Variants in PLEKHG6 observed in about 807,000 individuals in gnomAD.
PLEKHG6 encodes the protein pleckstrin homology and RhoGEF domain containing G6, also known as pleckstrin homology domain-containing family G member 6.
Under a neutral mutation model 97.5 loss-of-function variants are expected in PLEKHG6, and 91 were observed. The observed-to-expected ratio is 0.93, with a 90% CI of 0.79 to 1.11. The LOEUF (loss-of-function observed/expected upper bound fraction) is 1.11. Among genes scored for constraint, PLEKHG6 ranks in the 50% most tolerant of loss-of-function variants. The pLI is 0.00. For missense variants in PLEKHG6, 1,044 were observed against 1,031.0 expected, an observed-to-expected ratio of 1.01 and a Z score of -0.17; for synonymous variants, 466 against 425.5, an observed-to-expected ratio of 1.10 and a Z score of -1.17.
rs935538185 is a variant in PLEKHG6, at chr12:6,316,512, C to T, written c.756+108C>T. ...TGCAAATCTCTGTGATTTGAGGGGC[C>T]GCAGGACACAGCCCCTACCCCTAAT... On this transcript the variant is annotated intron_variant, in intron 7 of 15. Coordinates refer to ENST00000684764, the MANE Select transcript of PLEKHG6 (RefSeq NM_001384598.1). The surrounding 1 kb of genome is among the most constrained non-coding windows in gnomAD (Gnocchi z 4.1). The T allele has an allele frequency of 8.3e-6, 9 of 1,085,188 alleles. No individual in the cohort carries two copies. The highest frequency in any genetic ancestry group is 3.0e-4 in the Middle Eastern group (1 of 3,378). The allele number at this position is 1,085,188 out of a possible 1,614,324, so 67.2% of individuals were successfully genotyped here.
rs200110593 is a variant in PLEKHG6, at chr12:6,328,118, C to A, written c.2364-18C>A. Reference sequence around the variant, plus strand: ...GTTGCCACTGAATGTCGCCTAACACCCCCTCCTGTCTTTTCAGAGAGGTAT... The same window carrying A: ...GTTGCCACTGAATGTCGCCTAACACACCCTCCTGTCTTTTCAGAGAGGTAT... On this transcript the variant is annotated intron_variant, in intron 15 of 15. Transcript: ENST00000684764. 2 of 1,614,036 alleles carry A rather than the reference C, an allele frequency of 1.2e-6. No homozygotes were observed. Among genetic ancestry groups the A allele is most frequent in the Non-Finnish European group, 1.7e-6 (2 of 1,179,910 alleles).
chr12:6,317,491 A>C, intron 8 of PLEKHG6, 56 bp from the exon 9 acceptor site: 1 of 1,612,364 alleles, frequency 6.2e-7, no homozygotes, highest in Non-Finnish European at 8.5e-7. Flanking sequence ...GGCTGAGTTC[A>C]CCACTAGGCA....
At chr12:6,312,394 C>T in intron 2 of PLEKHG6, 30 bp downstream of exon 2, 1 of 1,557,884 alleles carries the variant, frequency 6.4e-7, no homozygotes, top group South Asian at 1.2e-5. Flanking sequence ...CAAAAGTGAC[C>T]TGGTGGGGCA....
Position 6,315,852 on chromosome 12 carries a change from C to T in PLEKHG6, c.556-17C>T, listed in dbSNP as rs536312275. 275 of 1,552,660 alleles carry T rather than the reference C, an allele frequency of 1.8e-4. 3 individuals carry two copies. The South Asian group carries it at 3.1e-3, about 17-fold the overall frequency. ...GGGCTGCGCTGGGTCCTGAGACCCTCGTCTCCCTCCCTGCAGCTGCTAGCC... is the reference window on the plus strand; with the variant it reads ...GGGCTGCGCTGGGTCCTGAGACCCTTGTCTCCCTCCCTGCAGCTGCTAGCC... On this transcript the variant is annotated splice_polypyrimidine_tract_variant and intron_variant, in intron 5 of 15. Transcript: ENST00000684764. The surrounding 1 kb of genome is among the most constrained non-coding windows in gnomAD (Gnocchi z 4.5).
Position 6,316,009 on chromosome 12 carries a change from T to TACAAA in PLEKHG6, c.606+90_606+91insACAAA. On this transcript the variant is annotated intron_variant, in intron 6 of 15. Coordinates refer to ENST00000684764, the MANE Select transcript of PLEKHG6 (RefSeq NM_001384598.1). This position sits in a 1 kb window ranked among gnomAD's most constrained non-coding sequence, Gnocchi z 4.1. ...GCCCTCCAGCCATCCCTGTCTGAAT[T>TACAAA]CCCACTGCCCCGTTTTTTGGGATGC... The TACAAA allele has an allele frequency of 8.0e-7, 1 of 1,250,186 alleles. No individual in the cohort carries two copies. Among genetic ancestry groups the TACAAA allele is most frequent in the Non-Finnish European group, 1.1e-6 (1 of 895,356 alleles). 77.4% of individuals were successfully genotyped at this position (1,250,186 alleles called of 1,614,324 possible).
intron 2 of PLEKHG6, chr12:6,312,949 C>A: frequency 7.0e-7 from 1 of 1,420,584 alleles, no homozygotes; most frequent in African/African-American, 1.4e-5. Context: ...GCTGGGACAT[C>A]CCCTGCCTCA....
At chr12:6,320,046 G>A (rs1947651024) in intron 13 of PLEKHG6, among the ~76,000 whole-genome samples, 1 of 152,164 alleles carries the variant, frequency 6.6e-6, no homozygotes, top group Non-Finnish European at 1.5e-5. Context: ...GTGCAAAGGC[G>A]GGAACTGTGA....
At chr12:6,317,204 C>G in intron 7 of PLEKHG6, 99 bp from the exon 8 acceptor site, 1 of 753,672 alleles carries the variant, frequency 1.3e-6, no homozygotes, top group Non-Finnish European at 2.3e-6. Flanking sequence ...AGGGCCCCTG[C>G]GAGGCTCTCT....
In PLEKHG6 at chr12:6,317,931, G is replaced by T; in HGVS notation, c.1092G>T (p.Ala364=). ...VRQGEEQESL[A]AAAQRIGPYE... Reference sequence around the variant, plus strand: ...AGGGCGAAGAGCAAGAGAGCTTGGCGGCTGCAGCACAACGCATCGGGCCCT... The same window carrying T: ...AGGGCGAAGAGCAAGAGAGCTTGGCTGCTGCAGCACAACGCATCGGGCCCT... Residue 364 remains alanine (A), a synonymous_variant, in exon 10 of 16, where the codon GCG becomes GCT. Coordinates refer to ENST00000684764, the MANE Select transcript of PLEKHG6 (RefSeq NM_001384598.1). The T allele has an allele frequency of 3.2e-6, 5 of 1,572,942 alleles. No individual in the cohort carries two copies. The highest frequency in any genetic ancestry group is 4.3e-6 in the Non-Finnish European group (5 of 1,158,932).
chr12:6,314,363 T>C (rs2136726071), intron 3 of PLEKHG6, among the ~76,000 whole-genome samples: 1 of 152,194 alleles, frequency 6.6e-6, no homozygotes, highest in African/African-American at 2.4e-5. Context: ...AAAAATTAGC[T>C]GGGTGTCATG....
rs765760533 is a variant in PLEKHG6 at position 6,327,609 on chromosome 12, G to A, written c.2026G>A (p.Glu676Lys). 6.3e-6 allele frequency: 10 copies of A among 1,580,280 alleles called. No individual in the cohort carries two copies. Among genetic ancestry groups the A allele is most frequent in the East Asian group, 2.4e-5 (1 of 42,510 alleles). The stretch of plus-strand genomic sequence containing the variant: ...GTCTGAGGAAGAAGATGGGGCCTCC[G>A]AGCGAGGGAATGTGGTGGTGGAAAC... The part of the protein sequence containing the change: ...TWSEEEDGAS[E>K]RGNVVVETLH... The change falls in exon 15 of 16, where the codon GAG becomes AAG. Residue 676 changes from glutamate (E) to lysine (K), a missense_variant. By Grantham distance (56) the Glu-to-Lys change is moderately conservative. Transcript: ENST00000684764.
chr12:6,324,131 G>T (rs763930717), intron 13 of PLEKHG6, among the ~76,000 whole-genome samples: 1 of 151,976 alleles, frequency 6.6e-6, no homozygotes, highest in Non-Finnish European at 1.5e-5. Context: ...TTCCTTTCCC[G>T]TCCCCTCTGC....
Position 6,318,439 on chromosome 12 carries a change from G to C in PLEKHG6, c.1275+19G>C. The stretch of plus-strand genomic sequence containing the variant: ...AGGGAAGGTGAGGGTGCTGCGGACA[G>C]AGTGGAGGGGATGGGGCACGGTGGG... On this transcript the variant is annotated intron_variant, in intron 11 of 15. Transcript: ENST00000684764. 1 of 1,589,246 alleles carries C rather than the reference G, an allele frequency of 6.3e-7. No homozygotes were observed. Among genetic ancestry groups the C allele is most frequent in the South Asian group, 1.1e-5 (1 of 87,046 alleles).
In PLEKHG6 at chr12:6,328,266, C is replaced by G; in HGVS notation, c.*121C>G. ...ACCACATTTCCCAAAGGAAGCCTGG[C>G]CCAGGCACCCTGCCTCCTGCTCTGT... is the stretch of plus-strand genomic sequence containing the variant. On this transcript the variant is annotated 3_prime_UTR_variant, in exon 16 of 16. Coordinates refer to ENST00000684764, the MANE Select transcript of PLEKHG6 (RefSeq NM_001384598.1). 2.1e-6 allele frequency: 2 copies of G among 967,960 alleles called. No homozygotes were observed. The highest frequency in any genetic ancestry group is 1.6e-5 in the African/African-American group (1 of 62,222). 60.0% of individuals were successfully genotyped at this position (967,960 alleles called of 1,614,324 possible).
rs781531386 is a variant in PLEKHG6 at position 6,327,307 on chromosome 12, A to G, written c.1724A>G (p.Asp575Gly). The G allele has an allele frequency of 1.1e-5, 18 of 1,613,478 alleles. No homozygotes were observed. The highest frequency in any genetic ancestry group is 4.5e-5 in the East Asian group (2 of 44,892). The change falls in exon 15 of 16, where the codon GAT (aspartate) becomes GGT (glycine). Residue 575 changes from aspartate to glycine, a missense_variant. Transcript: ENST00000684764. ...CACCTGGTGGTGACAGAAGACACAG[A>G]TGAAGATGCTCCCCTTGTGCCAGAT... ...IPHLVVTEDT[D>G]EDAPLVPDDT... is the part of the protein sequence containing the mutation.
Position 6,318,829 on chromosome 12 carries a change from C to A in PLEKHG6, c.1360C>A (p.Pro454Thr), listed in dbSNP as rs1947589154. 6.2e-7 allele frequency: 1 copy of A among 1,614,204 alleles called. No individual in the cohort carries two copies. The highest frequency in any genetic ancestry group is 8.5e-7 in the Non-Finnish European group (1 of 1,180,012). Residue 454 changes from proline to threonine, a missense_variant, in exon 12 of 16, where the codon CCC becomes ACC. Transcript: ENST00000684764. ...GGCGGACAAAGCCAAGGTCATCCGA[C>A]CCCCTCTCATGCTGGAGAAGCTCGT... Reference protein sequence around the residue: ...RKADKAKVIRPPLMLEKLVCQ... With the variant: ...RKADKAKVIRTPLMLEKLVCQ...
At chr12:6,321,475 G>A (rs558421479) in intron 13 of PLEKHG6, among the ~76,000 whole-genome samples, 1 of 152,204 alleles carries the variant, frequency 6.6e-6, no homozygotes, top group Non-Finnish European at 1.5e-5. Flanking sequence ...AACATGGAAG[G>A]TTTAGTGCCA....
chr12:6,321,021 C>CTT (rs397938337), intron 13 of PLEKHG6, among the ~76,000 whole-genome samples: 181 of 147,362 alleles, frequency 1.2e-3, no homozygotes, highest in African/African-American at 4.2e-3. Flanking sequence ...ACCGTGAATT[C>CTT]TTTTTTTTTT....
intron 13 of PLEKHG6, among the ~76,000 whole-genome samples, chr12:6,320,333 G>A (rs1947661697): frequency 6.6e-6 from 1 of 152,128 alleles, no homozygotes; most frequent in African/African-American, 2.4e-5. Flanking sequence ...CACAAACTTG[G>A]TGGCCTAAAA....
Sources: gnomAD v4.1 joint callset for allele counts (sites outside exome capture counted in the v4.1 genomes callset) on GRCh38, gnomAD v4.1.1 for gene constraint, Gnocchi (gnomAD v3.1) non-coding constraint, MANE v1.5 for transcripts, NCBI Gene and HGNC (gene_info 2026-07-23, HGNC 2026-07-21) for gene names.